Variants in RPH3A observed in about 807,000 individuals in gnomAD.
RPH3A encodes the protein rabphilin 3A, also known as rabphilin-3A.
In RPH3A, 48 loss-of-function variants were observed where a neutral mutation model predicts 102.2. The ratio of observed to expected loss-of-function variants is 0.47; its 90% CI spans 0.37 to 0.60. The LOEUF (loss-of-function observed/expected upper bound fraction) is 0.60, where lower values mean the gene tolerates loss of function less well. Among genes scored for constraint, RPH3A ranks in the 20% least tolerant of loss-of-function variants. The pLI is 0.00. For missense variants in RPH3A, 781 were observed against 910.1 expected, an observed-to-expected ratio of 0.86 and a Z score of 1.83; for synonymous variants, 310 against 324.3, an observed-to-expected ratio of 0.96 and a Z score of 0.47.
chr12:112,829,267 CT>C (rs11299010), intron 3 of RPH3A, among the ~76,000 whole-genome samples: 29,879 of 148,232 alleles, frequency 0.2, 3,333 homozygotes, highest in African/African-American at 0.31. Context: ...AAGAGAAAGG[CT>C]TTTTTTTTTT....
At chr12:112,739,234 A>T (rs59355707) in intron 1 of RPH3A, among the ~76,000 whole-genome samples, 15,666 of 152,272 alleles carry the variant, frequency 0.1, 867 homozygotes, top group Middle Eastern at 0.15. Context: ...TGTAGGTTAC[A>T]TAATGTTGTT....
chr12:112,751,034 G>T (rs892634842), intron 1 of RPH3A, among the ~76,000 whole-genome samples: 3 of 152,180 alleles, frequency 2.0e-5, no homozygotes, highest in African/African-American at 7.2e-5. Flanking sequence ...AAACCTGAAC[G>T]TTGGTCTCAC....
At position 112,846,939 on chromosome 12, in the gene RPH3A, A is replaced by G. The variant is rs527410033; in HGVS notation, c.84-757A>G. 3.9e-5 allele frequency among the ~76,000 whole-genome samples: 6 copies of G among 152,256 alleles called. No homozygotes were observed. In the South Asian group the frequency reaches 1.2e-3, roughly 32 times the overall value. The stretch of plus-strand genomic sequence containing the variant: ...TGCCCCTGCCACTTGCCAGCCATGC[A>G]TCCTTGAGCAAGTGCTCTAATTTCT... On this transcript the variant is annotated intron_variant, in intron 4 of 21. Coordinates refer to ENST00000389385, the MANE Select transcript of RPH3A (RefSeq NM_001143854.2).
At chr12:112,871,425 G>A (rs372291907) in intron 10 of RPH3A, among the ~76,000 whole-genome samples, 2 of 152,106 alleles carry the variant, frequency 1.3e-5, no homozygotes, top group Admixed American at 6.5e-5. Flanking sequence ...TAGGTACTGC[G>A]TATCAGTAGA....
intron 1 of RPH3A, among the ~76,000 whole-genome samples, chr12:112,579,407 C>T (rs1184421933): frequency 2.0e-5 from 3 of 152,194 alleles, no homozygotes; most frequent in South Asian, 2.1e-4. Flanking sequence ...TGTGGGCACC[C>T]GTATCATTTG....
intron 1 of RPH3A, among the ~76,000 whole-genome samples, chr12:112,712,951 C>CTTCTTCTTCTTCTTCTTCT: frequency 9.0e-6 from 1 of 110,890 alleles, no homozygotes; most frequent in African/African-American, 3.1e-5. Context: ...TCTTCTTCTT[C>CTTCTTCTTCTTCTTCTTCT]TTCTTCTTCT....
rs139257569 is a variant in RPH3A, at chr12:112,883,364, C to T, written c.1398C>T (p.His466=). ...TCTGGAATGAGACCCTCGTGTATCA[C>T]GGCATCACCGATGAGGACATGCAAA... The part of the protein sequence containing the change: ...NPIWNETLVY[H]GITDEDMQRK... The change falls in exon 16 of 22, where the codon CAC becomes CAT. Residue 466 remains histidine, a synonymous_variant. Transcript: ENST00000389385. 218 of 1,614,068 alleles carry T rather than the reference C, an allele frequency of 1.4e-4. No homozygotes were observed. Among genetic ancestry groups the T allele is most frequent in the Middle Eastern group, 3.3e-4 (2 of 6,062 alleles).
At chr12:112,725,182 G>A (rs181114241) in intron 1 of RPH3A, among the ~76,000 whole-genome samples, 121 of 150,084 alleles carry the variant, frequency 8.1e-4, no homozygotes, top group Admixed American at 1.3e-3. Flanking sequence ...CTGAGAGGCG[G>A]AGGTTGCAGT....
intron 1 of RPH3A, among the ~76,000 whole-genome samples, chr12:112,585,024 G>A (rs903408602): frequency 5.3e-5 from 8 of 152,120 alleles, no homozygotes; most frequent in African/African-American, 1.7e-4. Flanking sequence ...TCAAAGGCTC[G>A]AGAGCCCCTG....
rs962835951 is a variant in RPH3A at position 112,665,238 on chromosome 12, A to G, written c.-140+89919A>G. ...GGAGTCCAGACCAAGATGGCCTCCAACTTGGACTCCAGGAACAAATGCCTC... is the reference window on the plus strand; with the variant it reads ...GGAGTCCAGACCAAGATGGCCTCCAGCTTGGACTCCAGGAACAAATGCCTC... On this transcript the variant is annotated intron_variant, in intron 1 of 21. Transcript: ENST00000543106. Among the ~76,000 whole-genome samples, 5 of 152,332 alleles carry G rather than the reference A, an allele frequency of 3.3e-5. No individual in the cohort carries two copies. The East Asian group carries it at 5.8e-4, about 18-fold the overall frequency.
Position 112,739,112 on chromosome 12 carries a change from G to A in RPH3A, c.-139-53031G>A, listed in dbSNP as rs564082465. Among the ~76,000 whole-genome samples the A allele has an allele frequency of 2.6e-5, 4 of 152,274 alleles. No individual in the cohort carries two copies. In the East Asian group the frequency reaches 7.7e-4, roughly 29 times the overall value. ...GGTCTCTGAGAGAATGCCCAGGATA[G>A]CTTTGAAGATGTGATTGAGGAATTC... On this transcript the variant is annotated intron_variant, in intron 1 of 21. Transcript: ENST00000543106.
chr12:112,770,758 A>T (rs562178646), intron 1 of RPH3A, among the ~76,000 whole-genome samples: 1 of 152,242 alleles, frequency 6.6e-6, no homozygotes, highest in South Asian at 2.1e-4. Context: ...ATTCAAAGAA[A>T]CAACAGTTTG....
intron 1 of RPH3A, among the ~76,000 whole-genome samples, chr12:112,767,081 G>A (rs2057703): frequency 0.49 from 74,408 of 151,940 alleles, 19,279 homozygotes; most frequent in East Asian, 0.7. Context: ...ACCCAGTGCC[G>A]TGCCAGGCTC....
intron 1 of RPH3A, among the ~76,000 whole-genome samples, chr12:112,610,506 T>TA (rs574202389): frequency 0.011 from 1,004 of 95,384 alleles, 6 homozygotes; most frequent in South Asian, 0.04. Flanking sequence ...CTGTCTCAAT[T>TA]AAAAAAAAAA....
At chr12:112,729,507 T>A (rs560567385) in intron 1 of RPH3A, among the ~76,000 whole-genome samples, 2 of 152,224 alleles carry the variant, frequency 1.3e-5, no homozygotes, top group South Asian at 2.1e-4. Context: ...TTTTTTTTTT[T>A]ATCGCAGGTG....
chr12:112,709,691 C>A (rs73419271), intron 1 of RPH3A, among the ~76,000 whole-genome samples: 3 of 152,204 alleles, frequency 2.0e-5, no homozygotes, highest in African/African-American at 7.2e-5. Context: ...GGGTCTGGGA[C>A]ATCTGAAAAA....
chr12:112,693,811 G>A (rs1291229913), intron 1 of RPH3A, among the ~76,000 whole-genome samples: 1 of 152,122 alleles, frequency 6.6e-6, no homozygotes, highest in Non-Finnish European at 1.5e-5. Context: ...AAATCATTGT[G>A]CCTATTTATT....
At chr12:112,739,843 C>G (rs1234931895) in intron 1 of RPH3A, among the ~76,000 whole-genome samples, 3 of 152,154 alleles carry the variant, frequency 2.0e-5, no homozygotes, top group African/African-American at 7.2e-5. Context: ...TTCTTCCCCT[C>G]CCTCTCTGCC....
chr12:112,821,711 A>G (rs1402745251), intron 2 of RPH3A, among the ~76,000 whole-genome samples: 2 of 152,046 alleles, frequency 1.3e-5, no homozygotes, highest in Non-Finnish European at 2.9e-5. Context: ...TAAAGCACTC[A>G]TCACCTGTGG....
Sources: allele counts gnomAD v4.1 joint callset (sites outside exome capture counted in the v4.1 genomes callset), GRCh38; gene constraint gnomAD v4.1.1; transcripts MANE v1.5; gene names NCBI Gene and HGNC (gene_info 2026-07-23, HGNC 2026-07-21).